Variants in TRAPPC9 observed in about 807,000 individuals in gnomAD.
The protein encoded by TRAPPC9 is IKK2 binding protein.
In TRAPPC9, 83 loss-of-function variants were observed where a neutral mutation model predicts 124.0. That is an observed-to-expected ratio of 0.67 (90% CI 0.56 to 0.80). TRAPPC9 has a LOEUF of 0.80. TRAPPC9 is among the 30% of genes least tolerant of loss of function. The pLI, the probability that TRAPPC9 is intolerant of heterozygous loss-of-function variation, is 0.00. For missense variants in TRAPPC9, 1,302 were observed against 1,508.3 expected, an observed-to-expected ratio of 0.86 and a Z score of 2.27; for synonymous variants, 638 against 617.5, an observed-to-expected ratio of 1.03 and a Z score of -0.49.
At chr8:140,266,448 G>T (rs912164335) in intron 15 of TRAPPC9, among the ~76,000 whole-genome samples, 29 of 149,112 alleles carry the variant, frequency 1.9e-4, no homozygotes, top group African/African-American at 7.2e-4. Flanking sequence ...GGGCGACAGA[G>T]TGAGACTCTG....
At chr8:139,900,710 A>T (rs1830963945) in intron 20 of TRAPPC9, among the ~76,000 whole-genome samples, 1 of 152,110 alleles carries the variant, frequency 6.6e-6, no homozygotes, top group African/African-American at 2.4e-5. Flanking sequence ...GTAATAAAAC[A>T]CCTTCCTTGT....
chr8:140,193,469 A>G (rs1167195356), intron 17 of TRAPPC9, among the ~76,000 whole-genome samples: 1 of 152,148 alleles, frequency 6.6e-6, no homozygotes, highest in Non-Finnish European at 1.5e-5. Flanking sequence ...TTGGATATAA[A>G]TCTTCAAAGT....
chr8:139,856,640 G>A lies in TRAPPC9; in HGVS notation c.3055+29239C>T, dbSNP rs138422276. Among the ~76,000 whole-genome samples the A allele has an allele frequency of 1.1e-3, 168 of 152,096 alleles. 2 individuals carry two copies. The highest frequency in any genetic ancestry group is 3.7e-3 in the African/African-American group (153 of 41,480). On this transcript the variant is annotated intron_variant, in intron 21 of 22. Coordinates refer to ENST00000438773, the MANE Select transcript of TRAPPC9 (RefSeq NM_001160372.4). ...ATTTGTGAATGTTCTCAAGAGCAAC[G>A]GCATTAGCTGCACTGTGAGCACTAA...
chr8:139,771,295 G>A (rs571616278), intron 21 of TRAPPC9, among the ~76,000 whole-genome samples: 2 of 152,052 alleles, frequency 1.3e-5, no homozygotes, highest in East Asian at 1.9e-4. Flanking sequence ...GAACGGTGCC[G>A]CCCAGCACTC....
chr8:139,740,195 C>T (rs563458985), intron 21 of TRAPPC9, among the ~76,000 whole-genome samples: 15 of 152,214 alleles, frequency 9.9e-5, no homozygotes, highest in East Asian at 1.9e-4. Context: ...ACATCGGCAC[C>T]GGCCCCCTCT....
At chr8:139,809,658 C>G (rs1177727222) in intron 21 of TRAPPC9, among the ~76,000 whole-genome samples, 6 of 152,178 alleles carry the variant, frequency 3.9e-5, no homozygotes, top group African/African-American at 7.2e-5. Flanking sequence ...TCTTCCTGCT[C>G]TCCCTGCAGA....
At position 140,291,029 on chromosome 8, in the gene TRAPPC9, A is replaced by C. The variant is rs2065639892; in HGVS notation, c.1818T>G (p.Tyr606Ter). ...GDVCEVQLMVYNPMPFELRVE... is the reference protein window; with the variant it reads ...GDVCEVQLMV Reference sequence around the variant, plus strand: ...CTCGAAGTTCAAACGGCATTGGGTTATATACCATCAGCTGAACTTCACACA... The same window carrying C: ...CTCGAAGTTCAAACGGCATTGGGTTCTATACCATCAGCTGAACTTCACACA... The change falls in exon 12 of 23, where the codon TAT becomes TAG. Residue 606 changes from tyrosine to a stop codon, truncating the protein, a stop_gained. Transcript: ENST00000438773. LOFTEE classifies it high-confidence loss of function. 3 of 1,614,152 alleles carry C rather than the reference A, an allele frequency of 1.9e-6. No individual in the cohort carries two copies. The highest frequency in any genetic ancestry group is 2.5e-6 in the Non-Finnish European group (3 of 1,180,050).
chr8:140,202,245 C>A (rs1321883909), intron 17 of TRAPPC9, among the ~76,000 whole-genome samples: 3 of 151,064 alleles, frequency 2.0e-5, no homozygotes, highest in Non-Finnish European at 4.4e-5. Flanking sequence ...TAAGAAAGCT[C>A]TCTTTGGCCA....
intron 6 of TRAPPC9, among the ~76,000 whole-genome samples, chr8:140,398,584 T>C (rs2069162292): frequency 1.3e-5 from 2 of 152,240 alleles, no homozygotes; most frequent in Non-Finnish European, 2.9e-5. Flanking sequence ...GCCCCTGCCC[T>C]GGAGATTTGT....
intron 11 of TRAPPC9, among the ~76,000 whole-genome samples, chr8:140,299,309 G>C (rs142472096): frequency 1.1e-3 from 167 of 152,300 alleles, no homozygotes; most frequent in East Asian, 3.3e-3. Flanking sequence ...GGGCAGGGGG[G>C]GGTCAGGGAG....
intron 9 of TRAPPC9, among the ~76,000 whole-genome samples, chr8:140,356,157 G>A (rs76597598): frequency 0.036 from 5,469 of 152,242 alleles, 207 homozygotes; most frequent in African/African-American, 0.098. Context: ...TCCCAGGCAC[G>A]GGGATGCTCA....
At chr8:140,401,417 A>G (rs933478247) in intron 6 of TRAPPC9, among the ~76,000 whole-genome samples, 3 of 152,204 alleles carry the variant, frequency 2.0e-5, no homozygotes, top group Non-Finnish European at 4.4e-5. Context: ...TGAAGTCAGA[A>G]ATCTATCAAT....
intron 17 of TRAPPC9, among the ~76,000 whole-genome samples, chr8:140,049,834 A>G (rs1044899710): frequency 2.0e-5 from 3 of 152,126 alleles, no homozygotes; most frequent in African/African-American, 7.2e-5. Context: ...GTGAGGTGCG[A>G]GCTTTATTCC....
intron 17 of TRAPPC9, among the ~76,000 whole-genome samples, chr8:140,127,462 C>T (rs879479221): frequency 6.6e-6 from 1 of 152,216 alleles, no homozygotes; most frequent in South Asian, 2.1e-4. Context: ...AGATGCTAAG[C>T]ATCTTGAGGA....
chr8:139,803,761 A>G (rs1024792154), intron 21 of TRAPPC9, among the ~76,000 whole-genome samples: 2 of 152,184 alleles, frequency 1.3e-5, no homozygotes, highest in African/African-American at 4.8e-5. Flanking sequence ...ATTTCTTGAG[A>G]TAGATGCATC....
At chr8:140,142,597 G>A (rs1219448132) in intron 17 of TRAPPC9, among the ~76,000 whole-genome samples, 2 of 152,224 alleles carry the variant, frequency 1.3e-5, no homozygotes, top group African/African-American at 4.8e-5. Flanking sequence ...GCCCTGCCAG[G>A]TTGACAGCCC....
At chr8:139,754,389 C>T (rs1207516081) in intron 21 of TRAPPC9, among the ~76,000 whole-genome samples, 2 of 152,198 alleles carry the variant, frequency 1.3e-5, no homozygotes, top group South Asian at 2.1e-4. Flanking sequence ...GAAAAGGTGC[C>T]CCTCAGCAAT....
chr8:139,758,145 C>T (rs902654871), intron 21 of TRAPPC9, among the ~76,000 whole-genome samples: 12 of 152,320 alleles, frequency 7.9e-5, no homozygotes, highest in Middle Eastern at 3.4e-3. Flanking sequence ...GGAGGCCAAG[C>T]GCTCGGGCCT....
intron 19 of TRAPPC9, among the ~76,000 whole-genome samples, chr8:139,947,631 AG>A (rs1834309723): frequency 6.6e-6 from 1 of 151,914 alleles, no homozygotes; most frequent in African/African-American, 2.4e-5. Flanking sequence ...AGGCCTAGGC[AG>A]GTGGATCACC....
Sources: gnomAD v4.1 joint callset for allele counts (sites outside exome capture counted in the v4.1 genomes callset) on GRCh38, gnomAD v4.1.1 for gene constraint, MANE v1.5 for transcripts, NCBI Gene and HGNC (gene_info 2026-07-23, HGNC 2026-07-21) for gene names.